The following PKIB variants were observed in gnomAD, a reference collection of about 807,000 sequenced individuals.
The protein encoded by PKIB is cAMP-dependent protein kinase inhibitor beta, also known as PKI-beta.
PKIB carries 2 observed loss-of-function variants against 4.5 expected under a neutral mutation model. The ratio of observed to expected loss-of-function variants is 0.44; its 90% confidence interval spans 0.18 to 1.39. The LOEUF is 1.39. Among genes scored for constraint, PKIB ranks in the 40% most tolerant of loss-of-function variants. The pLI is 0.27. For missense variants in PKIB, 94 were observed against 92.6 expected (o/e 1.02, Z -0.06); for synonymous variants, 38 against 36.0 (o/e 1.06, Z -0.20).
chr6:122,478,670 A>G (rs555428288), intron 2 of PKIB: 30 of 152,324 alleles, frequency 2.0e-4, no homozygotes, highest in African/African-American at 7.2e-4. Context: ...GCTTTCACAT[A>G]CAAATGGAGT....
chr6:122,597,632 G>A (rs1280095648), intron 3 of PKIB, among the ~76,000 whole-genome samples: 1 of 152,154 alleles, frequency 6.6e-6, no homozygotes, highest in African/African-American at 2.4e-5. Context: ...CCTGATGGTG[G>A]TACTAATCTC....
chr6:122,720,894 G>T (rs1428820521), intron 4 of PKIB, among the ~76,000 whole-genome samples: 1 of 152,084 alleles, frequency 6.6e-6, no homozygotes, highest in African/African-American at 2.4e-5. Context: ...TAGAAACGGG[G>T]TTTCACCACG....
chr6:122,523,613 T>A (rs1345687081), intron 2 of PKIB, among the ~76,000 whole-genome samples: 1 of 152,100 alleles, frequency 6.6e-6, no homozygotes, highest in Non-Finnish European at 1.5e-5. Context: ...TGAAAACCCA[T>A]CTCTACTAAA....
chr6:122,717,544 T>C, intron 3 of PKIB: 1 of 465,966 alleles, frequency 2.1e-6, no homozygotes. Context: ...AGCATCCAAG[T>C]GGCTCATTCG....
intron 2 of PKIB, among the ~76,000 whole-genome samples, chr6:122,580,671 A>G (rs1354080897): frequency 1.3e-5 from 2 of 152,084 alleles, no homozygotes; most frequent in Non-Finnish European, 2.9e-5. Flanking sequence ...TGCACTATAC[A>G]CTACAAGCAG....
At chr6:122,487,859 G>A (rs962294350) in intron 2 of PKIB, among the ~76,000 whole-genome samples, 3 of 152,126 alleles carry the variant, frequency 2.0e-5, no homozygotes, top group Non-Finnish European at 4.4e-5. Context: ...TGAGAGAAGC[G>A]ATGCTGTGTT....
chr6:122,721,611 A>G (rs926389551), intron 4 of PKIB, among the ~76,000 whole-genome samples: 35 of 152,184 alleles, frequency 2.3e-4, no homozygotes, highest in Non-Finnish European at 4.4e-5. Flanking sequence ...TAGAAAAGGC[A>G]GTTGATACAA....
chr6:122,591,296 G>A (rs754271256), intron 3 of PKIB, among the ~76,000 whole-genome samples: 3 of 151,670 alleles, frequency 2.0e-5, no homozygotes, highest in Non-Finnish European at 4.4e-5. Context: ...ATAACTGAAG[G>A]GCTACTGGAA....
At chr6:122,480,564 A>T (rs1775585015) in intron 2 of PKIB, 1 of 152,192 alleles carries the variant, frequency 6.6e-6, no homozygotes, top group African/African-American at 2.4e-5. Flanking sequence ...AAAGGGAATA[A>T]ATTTTTTGAA....
intron 3 of PKIB, among the ~76,000 whole-genome samples, chr6:122,715,861 T>G (rs75298792): frequency 0.049 from 7,385 of 152,116 alleles, 373 homozygotes; most frequent in African/African-American, 0.13. Flanking sequence ...CAGAGTGAAC[T>G]GAAATTGATT....
At chr6:122,720,807 T>C (rs1230726744) in intron 4 of PKIB, among the ~76,000 whole-genome samples, 1 of 152,020 alleles carries the variant, frequency 6.6e-6, no homozygotes, top group Non-Finnish European at 1.5e-5. Flanking sequence ...TTTCAAGCGA[T>C]TCTCCTGTCT....
At chr6:122,660,248 A>G (rs1776931840) in intron 2 of PKIB, among the ~76,000 whole-genome samples, 2 of 152,336 alleles carry the variant, frequency 1.3e-5, no homozygotes, top group Admixed American at 6.5e-5. Context: ...AAAGAAGCCC[A>G]TGTTGCCCTT....
At chr6:122,698,189 A>G (rs1203600561) in intron 3 of PKIB, among the ~76,000 whole-genome samples, 1 of 152,152 alleles carries the variant, frequency 6.6e-6, no homozygotes, top group Non-Finnish European at 1.5e-5. Flanking sequence ...GGTAAAATGT[A>G]TGGCCTTCTA....
Position 122,627,942 on chromosome 6 carries a change from A to G in PKIB, c.-160-5341A>G, listed in dbSNP as rs113327419. Among the ~76,000 whole-genome samples, 713 of 152,286 alleles carry G rather than the reference A, an allele frequency of 4.7e-3. 6 individuals are homozygous for G. Among genetic ancestry groups the G allele is most frequent in the African/African-American group, 0.016 (660 of 41,578 alleles). ...TCATACAAGATTTTAACTGTATATC[A>G]TCTTACAGAAAACATTCATATTTTG... On this transcript the variant is annotated intron_variant, in intron 1 of 4. Transcript: ENST00000368452.
chr6:122,531,618 A>T (rs1322867413), intron 2 of PKIB, among the ~76,000 whole-genome samples: 1 of 151,946 alleles, frequency 6.6e-6, no homozygotes, highest in Non-Finnish European at 1.5e-5. Flanking sequence ...GTTAATTCCT[A>T]CTCAGCTTTT....
At chr6:122,682,087 CT>C (rs1161790301) in intron 3 of PKIB, among the ~76,000 whole-genome samples, 1 of 152,092 alleles carries the variant, frequency 6.6e-6, no homozygotes, top group African/African-American at 2.4e-5. Flanking sequence ...GTTATCTAGC[CT>C]TTCAATATCT....
At chr6:122,520,661 T>TTTCTC (rs1562237597) in intron 2 of PKIB, among the ~76,000 whole-genome samples, 11 of 55,508 alleles carry the variant, frequency 2.0e-4, no homozygotes, top group Non-Finnish European at 2.3e-4. Context: ...AAGTTTATGT[T>TTTCTC]CCCACCCCCC....
At chr6:122,703,885 T>C (rs1368100551) in intron 3 of PKIB, among the ~76,000 whole-genome samples, 1 of 148,520 alleles carries the variant, frequency 6.7e-6, no homozygotes, top group African/African-American at 2.5e-5. Flanking sequence ...GCAAAAATGC[T>C]CGCTCTCTAT....
At chr6:122,719,716 TACACACACACACACAC>T (rs202212013) in intron 4 of PKIB, among the ~76,000 whole-genome samples, 22,548 of 132,362 alleles carry the variant, frequency 0.17, 1,993 homozygotes, top group Middle Eastern at 0.26. Context: ...CCACCACACA[TACACACACACACACAC>T]ACACACACAC....
Sources: gnomAD v4.1 joint callset for allele counts (sites outside exome capture counted in the v4.1 genomes callset) on GRCh38, gnomAD v4.1.1 for gene constraint, MANE v1.5 for transcripts, NCBI Gene and HGNC (gene_info 2026-07-23, HGNC 2026-07-21) for gene names.